Variants in CDHR2 observed in about 807,000 individuals in gnomAD.
CDHR2 encodes the protein cadherin-related family member 2.
A neutral mutation model predicts 138.6 loss-of-function variants in CDHR2; 104 were observed. The ratio of observed to expected loss-of-function variants is 0.75; its 90% CI spans 0.64 to 0.88. The LOEUF (loss-of-function observed/expected upper bound fraction) is 0.88, where lower values mean the gene tolerates loss of function less well. Among genes scored for constraint, CDHR2 ranks in the 40% least tolerant of loss-of-function variants. The probability of loss-of-function intolerance (pLI) is 0.00; values close to 1 mark genes in which losing one functional copy is unlikely to be tolerated. For missense variants in CDHR2, 1,624 were observed against 1,727.6 expected (o/e 0.94, Z 1.06); for synonymous variants, 755 against 742.8 (o/e 1.02, Z -0.27).
In CDHR2 at chr5:176,565,398, G is replaced by C; in HGVS notation, c.46G>C (p.Val16Leu). Residue 16 changes from valine (V) to leucine (L), a missense_variant, in exon 2 of 32, where the codon GTG (valine) becomes CTG (leucine). Coordinates refer to ENST00000261944, the MANE Select transcript of CDHR2 (RefSeq NM_017675.6). ...CTGCTTCCTCCTTCCTGCCCTCGTG[G>C]TGTCTGGTAGGTGTCTCCCCTCCCC... ...LSCFLLPALVVSVAANVAPKF... is the reference protein window; with the variant it reads ...LSCFLLPALVLSVAANVAPKF... 6.2e-7 allele frequency: 1 copy of C among 1,613,988 alleles called. No homozygotes were observed. Among genetic ancestry groups the C allele is most frequent in the Non-Finnish European group, 8.5e-7 (1 of 1,179,906 alleles).
At position 176,589,143 on chromosome 5, in the gene CDHR2, T is replaced by C; in HGVS notation, c.2969T>C (p.Phe990Ser). The change falls in exon 22 of 32, where the codon TTC becomes TCC. Residue 990 changes from phenylalanine to serine, a missense_variant. By Grantham distance (155) the Phe-to-Ser change is radical. Around this residue, in one of 3 missense-constraint regions of CDHR2, gnomAD observed 556 missense variants for 565.7 expected, o/e 0.98. Coordinates refer to ENST00000261944, the MANE Select transcript of CDHR2 (RefSeq NM_017675.6). ...TIPFQGVFSIFTSSEADVFAG... is the reference protein window; with the variant it reads ...TIPFQGVFSISTSSEADVFAG... ...CCTTTCCAGGGTGTCTTCTCGATCT[T>C]CACCTCCTCCGAGGCCGACGTGTTC... The C allele has an allele frequency of 6.2e-7, 1 of 1,614,076 alleles. No homozygotes were observed. The highest frequency in any genetic ancestry group is 1.1e-5 in the South Asian group (1 of 91,082).
At position 176,577,773 on chromosome 5, in the gene CDHR2, GCT is replaced by G; in HGVS notation, c.1490_1491del (p.Ser497CysfsTer47). 1 of 1,614,162 alleles carries G rather than the reference GCT, an allele frequency of 6.2e-7. No individual in the cohort carries two copies. On this transcript the variant is annotated frameshift_variant, in exon 14 of 32. Coordinates refer to ENST00000261944, the MANE Select transcript of CDHR2 (RefSeq NM_017675.6). LOFTEE classifies it high-confidence loss of function. The stretch of plus-strand genomic sequence containing the variant: ...ACGGTGCCAGAGCACAGCGCCACCG[GCT>G]CTGTGGTCACCGACAGCATCCACGT...
intron 3 of CDHR2, among the ~76,000 whole-genome samples, chr5:176,566,614 C>T (rs1044242046): frequency 6.6e-5 from 10 of 152,348 alleles, no homozygotes; most frequent in Middle Eastern, 3.4e-3. Context: ...GCGGGGGTCA[C>T]GCAGCCTTCT....
Position 176,589,574 on chromosome 5 carries a change from C to T in CDHR2, c.3164C>T (p.Thr1055Ile), listed in dbSNP as rs766160238. 4.3e-6 allele frequency: 7 copies of T among 1,614,002 alleles called. No homozygotes were observed. Among genetic ancestry groups the T allele is most frequent in the South Asian group, 1.1e-5 (1 of 91,088 alleles). Reference protein sequence around the residue: ...QSYRSRLQFSTPKEEVGANRQ... With the variant: ...QSYRSRLQFSIPKEEVGANRQ... The stretch of plus-strand genomic sequence containing the variant: ...TACCGCTCGCGGCTGCAGTTCTCCA[C>T]ACCGAAGGAGGAGGTGGGCGCCAAC... The change falls in exon 24 of 32, where the codon ACA (threonine) becomes ATA (isoleucine). Residue 1055 changes from threonine (T) to isoleucine (I), a missense_variant. This residue lies in a region of CDHR2 where 556 missense variants were observed against 565.7 expected (regional missense o/e 0.98). Transcript: ENST00000261944.
At chr5:176,592,589 ATGGTGG>A in intron 30 of CDHR2, 128 bp from the exon 31 acceptor site, 1 of 708,902 alleles carries the variant, frequency 1.4e-6, no homozygotes, top group Non-Finnish European at 2.6e-6. Context: ...AGTTGTGATG[ATGGTGG>A]TGGTGGTGAT....
intron 24 of CDHR2, 38 bp from the exon 25 acceptor site, chr5:176,590,040 A>C (rs1212799864): frequency 6.4e-7 from 1 of 1,556,130 alleles, no homozygotes; most frequent in Non-Finnish European, 8.9e-7. Flanking sequence ...GGCCCAGGCT[A>C]AGACCCCAGG....
At position 176,576,849 on chromosome 5, in the gene CDHR2, T is replaced by C. The variant is rs1433541058; in HGVS notation, c.1195-550T>C. 6.6e-6 allele frequency among the ~76,000 whole-genome samples: 1 copy of C among 152,096 alleles called. No individual in the cohort carries two copies. Among genetic ancestry groups the C allele is most frequent in the Non-Finnish European group, 1.5e-5 (1 of 68,018 alleles). ...ACCTTGGCCTCCCAAAGTGCTGGGA[T>C]TGCAGGCGTGAGCCACCGCGCCCAG... On this transcript the variant is annotated intron_variant, in intron 12 of 31. Transcript: ENST00000261944. The surrounding 1 kb of genome is among the most constrained non-coding windows in gnomAD (Gnocchi z 4.5).
intron 1 of CDHR2, among the ~76,000 whole-genome samples, chr5:176,562,016 G>T (rs997512640): frequency 1.3e-5 from 2 of 152,152 alleles, no homozygotes; most frequent in African/African-American, 4.8e-5. Context: ...AGAGGGACGG[G>T]CAGTAGTGAG....
At chr5:176,567,247 A>G (rs1581136305) in intron 3 of CDHR2, 1 of 241,400 alleles carries the variant, frequency 4.1e-6, no homozygotes. Flanking sequence ...TGCTCACTTC[A>G]GCCTCGACCT....
At chr5:176,563,657 C>T (rs190903425) in intron 1 of CDHR2, among the ~76,000 whole-genome samples, 1 of 151,994 alleles carries the variant, frequency 6.6e-6, no homozygotes, top group African/African-American at 2.4e-5. Flanking sequence ...TAACGCTGGT[C>T]GGTTATTGTG....
At chr5:176,559,791 TCTGGCCCCTCCCCCATCAGGAGACAC>T (rs1757924960) in intron 1 of CDHR2, among the ~76,000 whole-genome samples, 1 of 152,008 alleles carries the variant, frequency 6.6e-6, no homozygotes, top group Non-Finnish European at 1.5e-5. Flanking sequence ...TCAGGAGACA[TCTGGCCCCTCCCCCATCAGGAGACAC>T]CTGGCAATGT....
chr5:176,578,267 C>A (rs985320636), intron 15 of CDHR2, 98 bp from the exon 16 acceptor site: 1 of 1,261,650 alleles, frequency 7.9e-7, no homozygotes, highest in Non-Finnish European at 1.1e-6. Context: ...GCATATACTG[C>A]ATGGGATATG....
chr5:176,588,965 C>A, intron 21 of CDHR2, 66 bp from the exon 22 acceptor site: 1 of 1,560,708 alleles, frequency 6.4e-7, no homozygotes, highest in Non-Finnish European at 8.8e-7. Context: ...TGCCTCTGAT[C>A]CCTGCTGGGG....
chr5:176,544,311 A>ATTTC (rs930093618), intron 1 of CDHR2, among the ~76,000 whole-genome samples: 7 of 149,252 alleles, frequency 4.7e-5, no homozygotes, highest in African/African-American at 1.2e-4. Flanking sequence ...TGGGTCCCCA[A>ATTTC]TTTCTTTCTT....
Position 176,575,777 on chromosome 5 carries a change from A to T in CDHR2, c.898A>T (p.Asn300Tyr), listed in dbSNP as rs1581141378. 3 of 1,564,580 alleles carry T rather than the reference A, an allele frequency of 1.9e-6. No homozygotes were observed. In the East Asian group the frequency reaches 7.2e-5, roughly 37 times the overall value. The change falls in exon 11 of 32, where the codon AAC becomes TAC. Residue 300 changes from asparagine to tyrosine, a missense_variant. Asn to Tyr is a moderately radical substitution (Grantham distance 143). This residue lies in a region of CDHR2 where 1,061 missense variants were observed against 1,136.6 expected (regional missense o/e 0.93). Coordinates refer to ENST00000261944, the MANE Select transcript of CDHR2 (RefSeq NM_017675.6). ...CGGGGCAGATGGGGTGATCAGGGTC[A>T]ACGGCTCCCTGGACCGTGAGCAGCT... is the stretch of plus-strand genomic sequence containing the variant. ...DIGADGVIRV[N>Y]GSLDREQLLE...
At position 176,576,071 on chromosome 5, in the gene CDHR2, C is replaced by T. The variant is rs1348775655; in HGVS notation, c.1080C>T (p.Ala360=). Reference sequence around the variant, plus strand: ...AGTTTTACAACTGCAGCCTCCCAGCCTGCACCTTCACCCCCGAAGAGGCCC... The same window carrying T: ...AGTTTTACAACTGCAGCCTCCCAGCTTGCACCTTCACCCCCGAAGAGGCCC... ...KPEFYNCSLP[A]CTFTPEEAQV... is the part of the protein sequence containing the mutation. The change falls in exon 12 of 32, where the codon GCC becomes GCT. Residue 360 remains alanine (A), a synonymous_variant. Transcript: ENST00000261944. The surrounding 1 kb of genome is among the most constrained non-coding windows in gnomAD (Gnocchi z 4.5). 1 of 1,614,142 alleles carries T rather than the reference C, an allele frequency of 6.2e-7. No individual in the cohort carries two copies. The highest frequency in any genetic ancestry group is 2.2e-5 in the East Asian group (1 of 44,870).
chr5:176,555,281 T>C (rs1187151090), intron 1 of CDHR2, among the ~76,000 whole-genome samples: 1 of 152,202 alleles, frequency 6.6e-6, no homozygotes, highest in East Asian at 1.9e-4. Context: ...TTTCTCCTCT[T>C]GCTAGGGCCC....
intron 3 of CDHR2, 22 bp from the exon 4 acceptor site, chr5:176,568,656 G>T: frequency 6.2e-7 from 1 of 1,612,624 alleles, no homozygotes; most frequent in Non-Finnish European, 8.5e-7. Context: ...TGGACCCTGG[G>T]TGGCCCCTGT....
intron 6 of CDHR2, among the ~76,000 whole-genome samples, chr5:176,572,716 C>T (rs897859176): frequency 2.6e-5 from 4 of 152,222 alleles, no homozygotes; most frequent in Non-Finnish European, 5.9e-5. Flanking sequence ...TGCCATGTGC[C>T]TGCAAAGACC....
Sources: allele counts gnomAD v4.1 joint callset (sites outside exome capture counted in the v4.1 genomes callset), GRCh38; gene constraint gnomAD v4.1.1; regional missense constraint gnomAD v4.1.1; non-coding constraint Gnocchi (gnomAD v3.1); transcripts MANE v1.5; gene names NCBI Gene and HGNC (gene_info 2026-07-23, HGNC 2026-07-21).